The following HUWE1 variants were observed in gnomAD, a reference collection of about 807,000 sequenced individuals.
The protein encoded by HUWE1 is E3 ubiquitin-protein ligase HUWE1.
A neutral mutation model predicts 299.4 loss-of-function variants in HUWE1; 18 were observed. The observed-to-expected ratio is 0.06, with a 90% CI of 0.04 to 0.09. The LOEUF is 0.09. Among genes scored for constraint, HUWE1 ranks in the 10% least tolerant of loss-of-function variants. The pLI, the probability that HUWE1 is intolerant of heterozygous loss-of-function variation, is 1.00. For missense variants in HUWE1, 1,832 were observed against 3,462.3 expected (o/e 0.53, Z 11.82); for synonymous variants, 1,317 against 1,286.1 (o/e 1.02, Z -0.51).
chrX:53,658,019 A>T (rs1351231376), intron 3 of HUWE1, among the ~76,000 whole-genome samples: 5 of 94,917 alleles, frequency 5.3e-5, no homozygotes, highest in African/African-American at 2.0e-4. Context: ...ACTGCACTCC[A>T]GCCTGGGGCG....
intron 61 of HUWE1, among the ~76,000 whole-genome samples, chrX:53,554,272 T>A (rs999903695): frequency 3.6e-5 from 4 of 110,601 alleles, no homozygotes; most frequent in Non-Finnish European, 7.6e-5. Context: ...TTGCCCAGGC[T>A]GGTCTCAAAC....
chrX:53,533,928 C>G, intron 83 of HUWE1, 79 bp downstream of exon 83: 1 of 982,998 alleles, frequency 1.0e-6, no homozygotes, highest in East Asian at 3.0e-5. Flanking sequence ...TGTTCCCAAT[C>G]TTGGGTAGGG....
Position 53,546,443 on chromosome X carries a change from T to C in HUWE1, c.10908A>G (p.Lys3636=). ...CTTTACTTCTGCTATTACCTATTTG[T>C]TTACAAAGGGTATAACCCAGATGGC... The part of the protein sequence containing the change: ...GARHLGYTLC[K]QIGTLLAELR... Residue 3636 remains lysine (K), a synonymous_variant, in exon 70 of 84, where the codon AAA becomes AAG. Transcript: ENST00000262854. 1 of 1,209,705 alleles carries C rather than the reference T, an allele frequency of 8.3e-7. No homozygotes were observed. The highest frequency in any genetic ancestry group is 1.1e-6 in the Non-Finnish European group (1 of 894,245).
At chrX:53,554,972 AG>A in intron 60 of HUWE1, 52 bp from the exon 61 acceptor site, 1 of 983,223 alleles carries the variant, frequency 1.0e-6, no homozygotes, top group Non-Finnish European at 1.4e-6. Flanking sequence ...GCCAATGATG[AG>A]GGGAGCCACC....
intron 46 of HUWE1, 77 bp from the exon 47 acceptor site, chrX:53,574,041 G>T: frequency 1.1e-6 from 1 of 889,279 alleles, no homozygotes; most frequent in Non-Finnish European, 1.6e-6. Flanking sequence ...GGAAAAGAAT[G>T]CTATTTCTCC....
chrX:53,601,417 CA>C (rs1216124066), intron 28 of HUWE1, among the ~76,000 whole-genome samples: 1 of 110,567 alleles, frequency 9.0e-6, no homozygotes, highest in Non-Finnish European at 1.9e-5. Flanking sequence ...CTCCTGGGCT[CA>C]AACGATTCAC....
At chrX:53,654,190 A>C in intron 3 of HUWE1, 59 bp from the exon 4 acceptor site, 1 of 696,625 alleles carries the variant, frequency 1.4e-6, no homozygotes, top group East Asian at 3.5e-5. Flanking sequence ...TGAGCTCTAC[A>C]AGCTTGGACA....
chrX:53,575,565 G>C, intron 45 of HUWE1, 78 bp downstream of exon 45: 1 of 1,011,102 alleles, frequency 9.9e-7, no homozygotes. Context: ...AAATTCCCCG[G>C]GGATAGCCCT....
intron 32 of HUWE1, among the ~76,000 whole-genome samples, 183 bp from the exon 33 acceptor site, chrX:53,592,811 TAC>T (rs1247172594): frequency 2.7e-5 from 3 of 111,931 alleles, no homozygotes; most frequent in Non-Finnish European, 3.8e-5. Flanking sequence ...TAAGCAGTGA[TAC>T]AGTTTGGAAT....
chrX:53,641,196 C>CT (rs1330409090), intron 7 of HUWE1, among the ~76,000 whole-genome samples: 1 of 111,887 alleles, frequency 8.9e-6, no homozygotes. Flanking sequence ...AAGGTATACT[C>CT]TTTCATTTTG....
chrX:53,576,866 G>C (rs2063132394), intron 44 of HUWE1, 34 bp downstream of exon 44: 1 of 1,205,439 alleles, frequency 8.3e-7, no homozygotes, highest in South Asian at 1.8e-5. Flanking sequence ...ATATCCTCTA[G>C]TGCCCAGCCT....
chrX:53,561,557 C>T (rs1444400786), intron 55 of HUWE1, among the ~76,000 whole-genome samples, 199 bp downstream of exon 55: 2 of 111,842 alleles, frequency 1.8e-5, no homozygotes, highest in Admixed American at 1.9e-4. Context: ...GTGAAGGGAA[C>T]AAAAGCAGCC....
chrX:53,642,387 T>C (rs1165029712), intron 7 of HUWE1, among the ~76,000 whole-genome samples: 1 of 112,421 alleles, frequency 8.9e-6, no homozygotes, highest in Non-Finnish European at 1.9e-5. Flanking sequence ...GCCATCAATG[T>C]TGCTGTATTA....
chrX:53,573,601 C>A (rs1053678593), intron 47 of HUWE1, 149 bp downstream of exon 47: 2 of 514,547 alleles, frequency 3.9e-6, no homozygotes, highest in Admixed American at 2.8e-5. Context: ...AGCCACCGCA[C>A]CCGGCCTTGC....
rs1474444697 is a variant in HUWE1 at position 53,654,150 on chromosome X, A to C, written c.-24-19T>G. The C allele has an allele frequency of 1.0e-6, 1 of 965,641 alleles. No individual in the cohort carries two copies. Among genetic ancestry groups the C allele is most frequent in the South Asian group, 2.0e-5 (1 of 49,528 alleles). 79.6% of individuals were successfully genotyped at this position (965,641 alleles called of 1,213,427 possible). ...TTACGATCTGAAAAAAGAAAATCCCAAAAGAAGTGAGAACTTAAAGCTACA... is the reference window on the plus strand; with the variant it reads ...TTACGATCTGAAAAAAGAAAATCCCCAAAGAAGTGAGAACTTAAAGCTACA... On this transcript the variant is annotated intron_variant, in intron 3 of 83. Coordinates refer to ENST00000262854, the MANE Select transcript of HUWE1 (RefSeq NM_031407.7).
chrX:53,535,260 G>C, intron 81 of HUWE1, 124 bp downstream of exon 81: 4 of 549,082 alleles, frequency 7.3e-6, no homozygotes, highest in Non-Finnish European at 3.3e-6. Context: ...CAAGTGTTTT[G>C]TCTTTTGTGC....
Position 53,532,332 on chromosome X carries a change from AATTT to A in HUWE1, c.*973_*976del, listed in dbSNP as rs1294561542. ...CCTAGTTAAATTACTCGCTTATTAA[AATTT>A]ATTAGAAATAAACAAACATTAATGA... is the stretch of plus-strand genomic sequence containing the variant. On this transcript the variant is annotated 3_prime_UTR_variant, in exon 84 of 84. Transcript: ENST00000262854. 9.0e-6 allele frequency: 1 copy of A among 111,389 alleles called. No homozygotes were observed. The highest frequency in any genetic ancestry group is 9.6e-5 in the Admixed American group (1 of 10,433). 9.2% of individuals were successfully genotyped at this position (111,389 alleles called of 1,213,427 possible).
At chrX:53,631,218 A>G (rs1280393087) in intron 11 of HUWE1, among the ~76,000 whole-genome samples, 184 bp from the exon 12 acceptor site, 1 of 111,949 alleles carries the variant, frequency 8.9e-6, no homozygotes, top group Admixed American at 9.5e-5. Flanking sequence ...TCAAACTCTC[A>G]TAAGGCCTAG....
intron 7 of HUWE1, among the ~76,000 whole-genome samples, chrX:53,640,852 AAC>A (rs1338210094): frequency 8.9e-6 from 1 of 112,459 alleles, no homozygotes; most frequent in Non-Finnish European, 1.9e-5. Flanking sequence ...TTATACCAAA[AAC>A]AGTTTGCATT....
Sources: allele counts gnomAD v4.1 joint callset (sites outside exome capture counted in the v4.1 genomes callset), GRCh38; gene constraint gnomAD v4.1.1; transcripts MANE v1.5; gene names NCBI Gene and HGNC (gene_info 2026-07-23, HGNC 2026-07-21).